Variants in MAGI1 observed in about 807,000 individuals in gnomAD.
MAGI1 encodes the protein membrane associated guanylate kinase, WW and PDZ domain containing 1.
Under a neutral mutation model 139.9 loss-of-function variants are expected in MAGI1, and 58 were observed. That is an observed-to-expected ratio of 0.41 (90% CI 0.34 to 0.52). The LOEUF (loss-of-function observed/expected upper bound fraction) is 0.52. MAGI1 is among the 20% of genes least tolerant of loss of function. The pLI is 0.12. For missense variants in MAGI1, 1,874 were observed against 1,901.6 expected, an observed-to-expected ratio of 0.99 and a Z score of 0.27; for synonymous variants, 812 against 737.9, an observed-to-expected ratio of 1.10 and a Z score of -1.63.
Position 65,900,288 on chromosome 3 carries a change from C to T in MAGI1, c.313+137708G>A, listed in dbSNP as rs116457574. 1.3e-3 allele frequency among the ~76,000 whole-genome samples: 192 copies of T among 152,262 alleles called. 1 individual carries two copies. The highest frequency in any genetic ancestry group is 4.3e-3 in the African/African-American group (180 of 41,554). On this transcript the variant is annotated intron_variant, in intron 1 of 22. Coordinates refer to ENST00000402939, the MANE Select transcript of MAGI1 (RefSeq NM_001033057.2). The stretch of plus-strand genomic sequence containing the variant: ...CCCAGGACATAAAAGGTAAAAGTCA[C>T]AACATCACTAACCAACCTTCAAGAT...
chr3:65,768,045 T>C (rs1167277612), intron 1 of MAGI1, among the ~76,000 whole-genome samples: 1 of 152,206 alleles, frequency 6.6e-6, no homozygotes, highest in Non-Finnish European at 1.5e-5. Flanking sequence ...CTTAATTTGT[T>C]GAAATTTTGT....
chr3:65,941,489 T>C (rs996102876), intron 1 of MAGI1, among the ~76,000 whole-genome samples: 3 of 152,176 alleles, frequency 2.0e-5, no homozygotes, highest in African/African-American at 7.2e-5. Flanking sequence ...CTGTGCACTG[T>C]AGGATGTTGA....
intron 1 of MAGI1, among the ~76,000 whole-genome samples, chr3:65,837,185 A>C (rs945792957): frequency 1.3e-5 from 2 of 152,192 alleles, no homozygotes; most frequent in South Asian, 4.1e-4. Context: ...AGCTCCAAGA[A>C]GACACAGGTA....
At chr3:65,500,183 G>A (rs1043871811) in intron 2 of MAGI1, among the ~76,000 whole-genome samples, 3 of 152,150 alleles carry the variant, frequency 2.0e-5, no homozygotes, top group African/African-American at 7.2e-5. Context: ...ATTTGAGAAA[G>A]TGGTACTATT....
chr3:65,379,940 T>C (rs1158704712), intron 16 of MAGI1, among the ~76,000 whole-genome samples: 1 of 152,258 alleles, frequency 6.6e-6, no homozygotes, highest in Non-Finnish European at 1.5e-5. Context: ...GACCGCCATC[T>C]TGGCTTCATA....
chr3:66,014,900 C>T (rs953968935), intron 1 of MAGI1, among the ~76,000 whole-genome samples: 1 of 152,210 alleles, frequency 6.6e-6, no homozygotes, highest in Non-Finnish European at 1.5e-5. Context: ...TCCACCCCAT[C>T]TCTATAAATA....
At position 65,965,896 on chromosome 3, in the gene MAGI1, G is replaced by A. The variant is rs111773461; in HGVS notation, c.313+72100C>T. Among the ~76,000 whole-genome samples the A allele has an allele frequency of 9.4e-3, 1,430 of 152,086 alleles. 20 individuals carry two copies. Among genetic ancestry groups the A allele is most frequent in the African/African-American group, 0.033 (1,349 of 41,472 alleles). ...CTCGAACTCTGACCTCAAGTGATCC[G>A]CCTGCCTCCACCTCCCAAAGTGCTG... On this transcript the variant is annotated intron_variant, in intron 1 of 22. Transcript: ENST00000402939.
At chr3:65,399,617 C>T (rs1944693434) in intron 13 of MAGI1, among the ~76,000 whole-genome samples, 2 of 152,206 alleles carry the variant, frequency 1.3e-5, no homozygotes, top group South Asian at 4.1e-4. Context: ...AACCAGCAGA[C>T]TATGGGTAAA....
At chr3:66,030,652 C>A (rs917245908) in intron 1 of MAGI1, among the ~76,000 whole-genome samples, 5 of 152,072 alleles carry the variant, frequency 3.3e-5, no homozygotes, top group Non-Finnish European at 1.5e-5. Context: ...ACTTGAAGCT[C>A]AAGAGATAGC....
intron 2 of MAGI1, among the ~76,000 whole-genome samples, chr3:65,537,818 A>G (rs1333913556): frequency 1.3e-5 from 2 of 152,128 alleles, no homozygotes; most frequent in Admixed American, 1.3e-4. Flanking sequence ...GATTATGAAG[A>G]TAATTATCTT....
chr3:65,615,139 T>A (rs926811055), intron 2 of MAGI1, among the ~76,000 whole-genome samples: 7 of 152,098 alleles, frequency 4.6e-5, no homozygotes, highest in Non-Finnish European at 1.0e-4. Context: ...CAAAGCCTTG[T>A]AATAAATGGC....
intron 2 of MAGI1, among the ~76,000 whole-genome samples, chr3:65,544,502 A>G (rs2079408232): frequency 6.6e-6 from 1 of 152,324 alleles, no homozygotes; most frequent in South Asian, 2.1e-4. Context: ...GATGCTGTTA[A>G]GACATGGAGG....
intron 2 of MAGI1, among the ~76,000 whole-genome samples, chr3:65,494,077 G>A (rs112118603): frequency 1.3e-5 from 2 of 152,016 alleles, no homozygotes; most frequent in South Asian, 4.2e-4. Context: ...CAATACAACC[G>A]GCAAGTTCCA....
At chr3:65,852,979 CAAAAAAA>C (rs57460083) in intron 1 of MAGI1, among the ~76,000 whole-genome samples, 11 of 104,242 alleles carry the variant, frequency 1.1e-4, no homozygotes, top group Non-Finnish European at 2.5e-4. Flanking sequence ...ACTAAAAATA[CAAAAAAA>C]AAAAAAAAAA....
At chr3:65,838,871 C>T (rs972486777) in intron 1 of MAGI1, among the ~76,000 whole-genome samples, 9 of 152,232 alleles carry the variant, frequency 5.9e-5, no homozygotes, top group Non-Finnish European at 1.3e-4. Flanking sequence ...AGCTTCTCTG[C>T]ATCCTCACCA....
intron 1 of MAGI1, among the ~76,000 whole-genome samples, chr3:65,997,892 C>T (rs1355098571): frequency 6.6e-6 from 1 of 152,028 alleles, no homozygotes; most frequent in Non-Finnish European, 1.5e-5. Context: ...GGTGTGGTGG[C>T]TCCTGCCTGT....
chr3:65,536,466 C>A (rs1253869702), intron 2 of MAGI1, among the ~76,000 whole-genome samples: 1 of 152,096 alleles, frequency 6.6e-6, no homozygotes, highest in Admixed American at 6.6e-5. Context: ...GGCTCCTTTG[C>A]AACAGTTATA....
intron 14 of MAGI1, among the ~76,000 whole-genome samples, chr3:65,388,217 C>A (rs1055292985): frequency 3.3e-5 from 5 of 152,058 alleles, no homozygotes; most frequent in Non-Finnish European, 1.5e-5. Context: ...ATGGCCATAT[C>A]AAAAATATGG....
chr3:65,442,878 G>C (rs369908474), intron 7 of MAGI1, 29 bp from the exon 8 acceptor site: 1 of 1,585,232 alleles, frequency 6.3e-7, no homozygotes, highest in African/African-American at 1.3e-5. Context: ...TTTAGGGCAA[G>C]AAGAGCATAT....
Sources: gnomAD v4.1 joint callset for allele counts (sites outside exome capture counted in the v4.1 genomes callset) on GRCh38, gnomAD v4.1.1 for gene constraint, MANE v1.5 for transcripts, NCBI Gene and HGNC (gene_info 2026-07-23, HGNC 2026-07-21) for gene names.